Variants in ANKRD44 observed in about 807,000 individuals in gnomAD.
The protein encoded by ANKRD44 is ankyrin repeat domain 44.
ANKRD44 carries 35 observed loss-of-function variants against 116.0 expected under a neutral mutation model. The ratio of observed to expected loss-of-function variants is 0.30; its 90% CI spans 0.23 to 0.40. ANKRD44 has a LOEUF of 0.40. ANKRD44 is among the 10% of genes least tolerant of loss of function. The pLI is 1.00. For synonymous variants in ANKRD44, 435 were observed against 461.8 expected (o/e 0.94, Z 0.74); for missense variants, 1,014 against 1,242.6 (o/e 0.82, Z 2.77).
chr2:197,147,994 T>C (rs1295680234), intron 2 of ANKRD44: 2 of 369,534 alleles, frequency 5.4e-6, no homozygotes. Flanking sequence ...CTTCAGTCTG[T>C]ATCTTTGGCA....
intron 1 of ANKRD44, among the ~76,000 whole-genome samples, chr2:197,257,623 G>T (rs1277603136): frequency 6.6e-6 from 1 of 152,132 alleles, no homozygotes; most frequent in Non-Finnish European, 1.5e-5. Context: ...AAATGCTTGA[G>T]GGGATGGATG....
In ANKRD44 at chr2:197,078,750, T is replaced by C; in HGVS notation, c.1603A>G (p.Ser535Gly). 1.2e-6 allele frequency: 2 copies of C among 1,613,136 alleles called. No individual in the cohort carries two copies. Among genetic ancestry groups the C allele is most frequent in the Non-Finnish European group, 1.7e-6 (2 of 1,179,408 alleles). ...CCATAGGCGGCAGCATAATGTATGC[T>C]ATTGTAACCTTCCTTGTCCCGGATA... Reference protein sequence around the residue: ...PSIRDKEGYNSIHYAAAYGHR... With the variant: ...PSIRDKEGYNGIHYAAAYGHR... The change falls in exon 16 of 28, where the codon AGC becomes GGC. Residue 535 changes from serine to glycine, a missense_variant. Physicochemically the swap from Ser to Gly is moderately conservative, Grantham distance 56. Coordinates refer to ENST00000282272, the MANE Select transcript of ANKRD44 (RefSeq NM_001195144.2).
chr2:197,214,250 A>T (rs2081389519), intron 1 of ANKRD44, among the ~76,000 whole-genome samples: 1 of 152,226 alleles, frequency 6.6e-6, no homozygotes, highest in Admixed American at 6.5e-5. Flanking sequence ...ATAATAAAAT[A>T]TGGCACATCA....
chr2:197,122,265 C>G (rs1477900034), intron 7 of ANKRD44, among the ~76,000 whole-genome samples: 2 of 152,118 alleles, frequency 1.3e-5, no homozygotes, highest in Non-Finnish European at 2.9e-5. Context: ...TTTTCCAGCT[C>G]AAGAGTAGAC....
chr2:197,161,198 A>G (rs1012979640), intron 2 of ANKRD44, among the ~76,000 whole-genome samples: 2 of 152,020 alleles, frequency 1.3e-5, no homozygotes, highest in Non-Finnish European at 2.9e-5. Flanking sequence ...GTGCTCCCAG[A>G]ATTGGGAGAT....
chr2:197,288,630 T>C (rs796212405), intron 1 of ANKRD44, among the ~76,000 whole-genome samples: 1 of 138,586 alleles, frequency 7.2e-6, no homozygotes, highest in African/African-American at 2.7e-5. Flanking sequence ...TATATATATA[T>C]ACACATACAC....
At chr2:197,086,510 T>C (rs2077927496) in intron 13 of ANKRD44, among the ~76,000 whole-genome samples, 170 bp downstream of exon 13, 1 of 152,216 alleles carries the variant, frequency 6.6e-6, no homozygotes, top group Non-Finnish European at 1.5e-5. Flanking sequence ...CTTTGTGACT[T>C]GTTATTTGCT....
rs2078327202 is a variant in ANKRD44 at position 197,102,921 on chromosome 2, T to C, written c.986-2991A>G. On this transcript the variant is annotated intron_variant, in intron 9 of 27. Coordinates refer to ENST00000282272, the MANE Select transcript of ANKRD44 (RefSeq NM_001195144.2). ...TTTTGTTTTTAATTTTTGATGTTTT[T>C]TTCCCTGTCAAAAAAATTTGGGGGG... 2.0e-5 allele frequency among the ~76,000 whole-genome samples: 3 copies of C among 152,290 alleles called. No homozygotes were observed. The South Asian group carries it at 6.2e-4, about 32-fold the overall frequency.
intron 16 of ANKRD44, among the ~76,000 whole-genome samples, chr2:197,063,847 A>G (rs1160412700): frequency 3.9e-5 from 6 of 152,194 alleles, no homozygotes; most frequent in Non-Finnish European, 7.4e-5. Context: ...TGAAAGTGAC[A>G]GGGAGAATGG....
intron 4 of ANKRD44, among the ~76,000 whole-genome samples, chr2:197,133,633 GA>G (rs1395983159): frequency 6.6e-6 from 1 of 152,138 alleles, no homozygotes; most frequent in Non-Finnish European, 1.5e-5. Context: ...CCAATCTAAA[GA>G]ACAGACCTGT....
intron 4 of ANKRD44, chr2:197,136,366 C>A (rs2079216440): frequency 3.6e-6 from 2 of 549,070 alleles, no homozygotes; most frequent in South Asian, 2.4e-5. Flanking sequence ...CATTGAAATT[C>A]AGGATCATGC....
chr2:197,037,941 TA>T (rs944440531), intron 16 of ANKRD44, among the ~76,000 whole-genome samples: 8 of 150,894 alleles, frequency 5.3e-5, no homozygotes, highest in Non-Finnish European at 7.4e-5. Context: ...GACCTTGTCT[TA>T]AAAAAAAATG....
chr2:197,221,520 T>G lies in ANKRD44; in HGVS notation c.28-34414A>C, dbSNP rs1029300882. The stretch of plus-strand genomic sequence containing the variant: ...AATCTTTTTTAATGTAATATTTTAG[T>G]TACTCTTTGACTAGTAAGCCTGACC... On this transcript the variant is annotated intron_variant, in intron 1 of 27. Coordinates refer to ENST00000282272, the MANE Select transcript of ANKRD44 (RefSeq NM_001195144.2). 4.6e-5 allele frequency among the ~76,000 whole-genome samples: 7 copies of G among 152,216 alleles called. 1 individual carries two copies. Among genetic ancestry groups the G allele is most frequent in the Non-Finnish European group, 8.8e-5 (6 of 68,038 alleles).
At chr2:197,254,253 C>G (rs529541583) in intron 1 of ANKRD44, among the ~76,000 whole-genome samples, 8 of 152,002 alleles carry the variant, frequency 5.3e-5, no homozygotes, top group Non-Finnish European at 1.2e-4. Flanking sequence ...ATTAGCCGGG[C>G]GTGGCGGTGG....
At chr2:197,301,540 C>G (rs147404071) in intron 1 of ANKRD44, 32 of 152,222 alleles carry the variant, frequency 2.1e-4, no homozygotes, top group African/African-American at 7.2e-4. Context: ...AATATGTGAT[C>G]TTTTATCTTT....
At chr2:197,117,977 T>C (rs2078753087) in intron 8 of ANKRD44, among the ~76,000 whole-genome samples, 2 of 152,062 alleles carry the variant, frequency 1.3e-5, no homozygotes, top group Non-Finnish European at 2.9e-5. Context: ...TTTGGGAGGC[T>C]AAGGCAGGCA....
chr2:197,013,415 TAA>T, intron 18 of ANKRD44, 94 bp downstream of exon 18: 1 of 1,369,072 alleles, frequency 7.3e-7, no homozygotes, highest in Non-Finnish European at 1.0e-6. Context: ...AATTGATATT[TAA>T]AAAACTGGGA....
At chr2:197,067,449 G>A (rs1228536123) in intron 16 of ANKRD44, among the ~76,000 whole-genome samples, 11 of 150,894 alleles carry the variant, frequency 7.3e-5, no homozygotes, top group East Asian at 1.9e-4. Flanking sequence ...GAAAATTTTC[G>A]CAACCTACTC....
intron 2 of ANKRD44, among the ~76,000 whole-genome samples, chr2:197,156,869 G>A (rs1029953813): frequency 1.3e-5 from 2 of 152,128 alleles, no homozygotes; most frequent in African/African-American, 4.8e-5. Context: ...ATAAATCCAC[G>A]TACATAAAAT....
Sources: allele counts gnomAD v4.1 joint callset (sites outside exome capture counted in the v4.1 genomes callset), GRCh38; gene constraint gnomAD v4.1.1; transcripts MANE v1.5; gene names NCBI Gene and HGNC (gene_info 2026-07-23, HGNC 2026-07-21).